Variants in GPR161 observed in about 807,000 individuals in gnomAD.
GPR161 encodes G protein-coupled receptor 161.
GPR161 carries 25 observed loss-of-function variants against 39.2 expected under a neutral mutation model. The ratio of observed to expected loss-of-function variants is 0.64; its 90% CI spans 0.47 to 0.89. GPR161 has a LOEUF of 0.89. Among genes scored for constraint, GPR161 ranks in the 40% least tolerant of loss-of-function variants. GPR161 has a pLI of 0.00. For synonymous variants in GPR161, 286 were observed against 276.6 expected, an observed-to-expected ratio of 1.03 and a Z score of -0.34; for missense variants, 547 against 677.8, an observed-to-expected ratio of 0.81 and a Z score of 2.14.
At chr1:168,129,558 C>T (rs1021619420) in intron 1 of GPR161, among the ~76,000 whole-genome samples, 2 of 152,014 alleles carry the variant, frequency 1.3e-5, no homozygotes, top group East Asian at 3.9e-4. Flanking sequence ...CGGCTATGGC[C>T]CAAGTAGAGA....
chr1:168,113,963 C>T (rs1465240255), intron 1 of GPR161, among the ~76,000 whole-genome samples: 1 of 152,118 alleles, frequency 6.6e-6, no homozygotes, highest in Non-Finnish European at 1.5e-5. Flanking sequence ...GCACATGTAC[C>T]ACTGAACTTA....
chr1:168,098,708 AAG>A lies in GPR161; in HGVS notation c.375-1478_375-1477del, dbSNP rs143808278. Among the ~76,000 whole-genome samples the A allele has an allele frequency of 0.01, 1,541 of 152,326 alleles. 21 individuals are homozygous for A. The highest frequency in any genetic ancestry group is 0.035 in the African/African-American group (1,469 of 41,578). On this transcript the variant is annotated intron_variant, in intron 2 of 5. Coordinates refer to ENST00000682931, the MANE Select transcript of GPR161 (RefSeq NM_001375883.1). The surrounding 1 kb of genome is among the most constrained non-coding windows in gnomAD (Gnocchi z 4.1). ...AGCCCAGGCCAGGATCTATCCTGGA[AAG>A]AGAGCATTTCCGGCTATGCGGCCTG...
Position 168,080,468 on chromosome 1 carries a change from CA to C in GPR161, c.*5062del, listed in dbSNP as rs1693985532. ...GTATGGCTCTGCTCCTTCTTATAGGCATATATGGCTAATCACAGCCATTCTC... is the reference window on the plus strand; with the variant it reads ...GTATGGCTCTGCTCCTTCTTATAGGCTATATGGCTAATCACAGCCATTCTC... On this transcript the variant is annotated 3_prime_UTR_variant, in exon 6 of 6. Transcript: ENST00000682931. 2 of 152,222 alleles carry C rather than the reference CA, an allele frequency of 1.3e-5. No individual in the cohort carries two copies. The highest frequency in any genetic ancestry group is 4.8e-5 in the African/African-American group (2 of 41,450). 9.4% of individuals were successfully genotyped at this position (152,222 alleles called of 1,614,324 possible).
Position 168,104,638 on chromosome 1 carries a change from C to T in GPR161, c.213G>A (p.Leu71=), listed in dbSNP as rs556898630. The change falls in exon 2 of 6, where the codon CTG becomes CTA. Residue 71 remains leucine, a synonymous_variant. Coordinates refer to ENST00000682931, the MANE Select transcript of GPR161 (RefSeq NM_001375883.1). ...LSNKFVFSLT[L]SNFLLSVLVL... ...CCAACACGGACAGCAGGAAGTTGGA[C>T]AGAGTCAGGCTGAAGACGAACTTGT... 1.4e-5 allele frequency: 22 copies of T among 1,614,104 alleles called. No individual in the cohort carries two copies. In the East Asian group the frequency reaches 4.7e-4, roughly 34 times the overall value.
intron 1 of GPR161, among the ~76,000 whole-genome samples, chr1:168,109,109 T>C (rs929758278): frequency 8.5e-5 from 13 of 152,122 alleles, no homozygotes; most frequent in Admixed American, 7.9e-4. Flanking sequence ...ATTGAAAATA[T>C]AAAAGGTGAA....
intron 3 of GPR161, among the ~76,000 whole-genome samples, chr1:168,092,286 TGGGATG>T (rs1695141905): frequency 6.6e-6 from 1 of 152,150 alleles, no homozygotes; most frequent in South Asian, 2.1e-4. Flanking sequence ...TCCTGCCAGC[TGGGATG>T]GCTGAAGCCG....
chr1:168,103,441 A>AG (rs35398032), intron 2 of GPR161, among the ~76,000 whole-genome samples: 50,438 of 150,204 alleles, frequency 0.34, 8,757 homozygotes, highest in Admixed American at 0.46. Flanking sequence ...AAAAAAAAAA[A>AG]AGAGAAGCTA....
intron 3 of GPR161, among the ~76,000 whole-genome samples, chr1:168,096,032 G>A (rs2102135787): frequency 6.6e-6 from 1 of 151,632 alleles, no homozygotes; most frequent in South Asian, 2.1e-4. Context: ...TACTTGGGAG[G>A]CTGAGGCACG....
chr1:168,110,924 CAA>C (rs34703966), intron 1 of GPR161, among the ~76,000 whole-genome samples: 12 of 131,544 alleles, frequency 9.1e-5, no homozygotes, highest in Admixed American at 1.5e-4. Flanking sequence ...AACTCTATCT[CAA>C]AAAAAAAAAA....
chr1:168,136,595 G>C, intron 1 of GPR161, 144 bp downstream of exon 1: 3 of 1,233,320 alleles, frequency 2.4e-6, no homozygotes, highest in Non-Finnish European at 2.0e-6. Context: ...GAGGGGCGCG[G>C]GGAGAAAGGG....
In GPR161 at chr1:168,097,172, C is replaced by A. The variant is rs755621404; in HGVS notation, c.435G>T (p.Val145=). 12 of 1,613,926 alleles carry A rather than the reference C, an allele frequency of 7.4e-6. No homozygotes were observed. Among genetic ancestry groups the A allele is most frequent in the Middle Eastern group, 1.6e-4 (1 of 6,084 alleles). The change falls in exon 3 of 6, where the codon GTG becomes GTT. Residue 145 remains valine (V), a synonymous_variant. Coordinates refer to ENST00000682931, the MANE Select transcript of GPR161 (RefSeq NM_001375883.1). ...YPMKITGNRA[V]MALVYIWLHS... Reference sequence around the variant, plus strand: ...GAAGCCAGATGTAGACAAGTGCCATCACAGCCCGGTTCCCTGTGATCTTCA... The same window carrying A: ...GAAGCCAGATGTAGACAAGTGCCATAACAGCCCGGTTCCCTGTGATCTTCA...
chr1:168,111,938 T>G (rs1424777334), intron 1 of GPR161, among the ~76,000 whole-genome samples: 1 of 145,568 alleles, frequency 6.9e-6, no homozygotes, highest in Non-Finnish European at 1.5e-5. Context: ...AGAGTAACAG[T>G]GAGATAAATA....
At chr1:168,105,895 G>A (rs1008507881) in intron 1 of GPR161, among the ~76,000 whole-genome samples, 2 of 152,202 alleles carry the variant, frequency 1.3e-5, no homozygotes, top group Non-Finnish European at 2.9e-5. Flanking sequence ...AGGAAAGATC[G>A]CTTTCCACGA....
rs867065631 is a variant in GPR161, at chr1:168,080,764, C to T, written c.*4767G>A. ...TTGTGCTATGATTTGGAACGTTACA[C>T]CAGGCCCTGGGGATTTGATCATCTT... On this transcript the variant is annotated 3_prime_UTR_variant, in exon 6 of 6. Coordinates refer to ENST00000682931, the MANE Select transcript of GPR161 (RefSeq NM_001375883.1). 4 of 152,240 alleles carry T rather than the reference C, an allele frequency of 2.6e-5. No homozygotes were observed. Among genetic ancestry groups the T allele is most frequent in the Admixed American group, 6.5e-5 (1 of 15,274 alleles). The allele number at this position is 152,240 out of a possible 1,614,324, so 9.4% of individuals were successfully genotyped here.
At chr1:168,128,344 C>T (rs1698742743) in intron 1 of GPR161, among the ~76,000 whole-genome samples, 2 of 152,170 alleles carry the variant, frequency 1.3e-5, no homozygotes, top group South Asian at 2.1e-4. Flanking sequence ...CTGGAAATGC[C>T]TGGAGACATT....
intron 1 of GPR161, among the ~76,000 whole-genome samples, chr1:168,110,175 TAGG>T (rs1212610271): frequency 6.0e-5 from 9 of 151,108 alleles, no homozygotes; most frequent in South Asian, 4.3e-4. Flanking sequence ...AGCAACAAAA[TAGG>T]AGAACTGACT....
At chr1:168,111,536 G>C (rs1201318977) in intron 1 of GPR161, among the ~76,000 whole-genome samples, 3 of 152,226 alleles carry the variant, frequency 2.0e-5, no homozygotes, top group Admixed American at 2.0e-4. Context: ...GCCTGGAGCT[G>C]TGGCAGTCGT....
At chr1:168,101,344 T>C (rs1157026229) in intron 2 of GPR161, among the ~76,000 whole-genome samples, 2 of 152,212 alleles carry the variant, frequency 1.3e-5, no homozygotes, top group Non-Finnish European at 2.9e-5. Flanking sequence ...TTTTGGGCTG[T>C]CACGACTGGG....
At chr1:168,121,965 C>T (rs1025145473) in intron 1 of GPR161, among the ~76,000 whole-genome samples, 6 of 152,194 alleles carry the variant, frequency 3.9e-5, no homozygotes, top group African/African-American at 1.2e-4. Context: ...GTCTGTTTGG[C>T]GCTGCTGCCA....
Sources: gnomAD v4.1 joint callset for allele counts (sites outside exome capture counted in the v4.1 genomes callset) on GRCh38, gnomAD v4.1.1 for gene constraint, Gnocchi (gnomAD v3.1) non-coding constraint, MANE v1.5 for transcripts, NCBI Gene and HGNC (gene_info 2026-07-23, HGNC 2026-07-21) for gene names.